The following POC5 variants were observed in gnomAD, a reference collection of about 807,000 sequenced individuals.
The protein encoded by POC5 is centrosomal protein POC5.
A neutral mutation model predicts 62.9 loss-of-function variants in POC5; 48 were observed. The observed-to-expected ratio is 0.76, with a 90% CI of 0.61 to 0.97. The LOEUF is 0.97. Among genes scored for constraint, POC5 ranks in the 50% least tolerant of loss-of-function variants. The pLI is 0.00. For missense variants in POC5, 696 were observed against 679.5 expected (o/e 1.02, Z -0.27); for synonymous variants, 236 against 228.2 (o/e 1.03, Z -0.31).
intron 2 of POC5, among the ~76,000 whole-genome samples, chr5:75,710,358 T>A (rs1046092997): frequency 6.6e-6 from 1 of 152,190 alleles, no homozygotes; most frequent in Non-Finnish European, 1.5e-5. Context: ...AATGTTTGTG[T>A]CCCCTCAAAA....
chr5:75,705,589 T>C, intron 4 of POC5, 115 bp downstream of exon 4: 1 of 627,606 alleles, frequency 1.6e-6, no homozygotes, highest in Non-Finnish European at 2.6e-6. Context: ...TAATAGCATT[T>C]TAAAATCCTG....
chr5:75,693,181 T>C (rs1254688535), intron 6 of POC5, among the ~76,000 whole-genome samples: 1 of 143,242 alleles, frequency 7.0e-6, no homozygotes, highest in Non-Finnish European at 1.6e-5. Flanking sequence ...ACATTATATA[T>C]AACTAATGTT....
intron 10 of POC5, among the ~76,000 whole-genome samples, chr5:75,681,374 T>C (rs190383334): frequency 1.6e-3 from 249 of 152,244 alleles, no homozygotes; most frequent in Non-Finnish European, 3.0e-3. Flanking sequence ...CTTTACCAAA[T>C]AGCTTTAAAA....
In POC5 at chr5:75,689,063, A is replaced by G; in HGVS notation, c.1078T>C (p.Cys360Arg). Residue 360 changes from cysteine (C) to arginine (R), a missense_variant, in exon 9 of 12, where the codon TGT (cysteine) becomes CGT (arginine). Coordinates refer to ENST00000428202, the MANE Select transcript of POC5 (RefSeq NM_001099271.2). ...GTCATGGCTTCAAGATTTAATGCAC[A>G]TACACCCCTCATGAAAGCTTTTTTC... Reference protein sequence around the residue: ...SMKKAFMRGVCALNLEAMTIF... With the variant: ...SMKKAFMRGVRALNLEAMTIF... The G allele has an allele frequency of 1.2e-6, 2 of 1,606,896 alleles. No homozygotes were observed. Among genetic ancestry groups the G allele is most frequent in the Non-Finnish European group, 1.7e-6 (2 of 1,176,652 alleles).
chr5:75,684,710 C>T (rs1168672831), intron 10 of POC5, among the ~76,000 whole-genome samples: 1 of 152,042 alleles, frequency 6.6e-6, no homozygotes, highest in African/African-American at 2.4e-5. Flanking sequence ...TCTTAATTAT[C>T]ACTACTATGA....
chr5:75,697,516 G>A (rs1776658420), intron 5 of POC5, among the ~76,000 whole-genome samples: 1 of 152,042 alleles, frequency 6.6e-6, no homozygotes, highest in South Asian at 2.1e-4. Context: ...GAGAGATTTT[G>A]TCACCACCAG....
intron 10 of POC5, among the ~76,000 whole-genome samples, chr5:75,683,846 A>G (rs1775966731): frequency 6.6e-6 from 1 of 151,976 alleles, no homozygotes; most frequent in South Asian, 2.1e-4. Context: ...TGGGAGTACA[A>G]GTGCACAGCA....
At chr5:75,703,367 C>A (rs1431810699) in intron 4 of POC5, among the ~76,000 whole-genome samples, 2 of 152,092 alleles carry the variant, frequency 1.3e-5, no homozygotes, top group Non-Finnish European at 2.9e-5. Flanking sequence ...GTGGCTCATG[C>A]CTGTAATCCT....
At chr5:75,689,852 A>G (rs760295353) in intron 8 of POC5, among the ~76,000 whole-genome samples, 7 of 152,108 alleles carry the variant, frequency 4.6e-5, no homozygotes, top group Non-Finnish European at 8.8e-5. Flanking sequence ...TGTTAATTTT[A>G]TTATTAAAAG....
chr5:75,685,375 T>C lies in POC5; in HGVS notation c.1239A>G (p.Thr413=). 2.5e-6 allele frequency: 4 copies of C among 1,614,002 alleles called. No homozygotes were observed. Among genetic ancestry groups the C allele is most frequent in the Non-Finnish European group, 3.4e-6 (4 of 1,179,888 alleles). Residue 413 remains threonine (T), a synonymous_variant, in exon 10 of 12, where the codon ACA becomes ACG. Coordinates refer to ENST00000428202, the MANE Select transcript of POC5 (RefSeq NM_001099271.2). ...PSAPPMPLPV[T]SPLLPSPPAA... is the part of the protein sequence containing the mutation. ...CTGGTGGGGATGGCAGCAGTGGTGA[T>C]GTAACTGGTAAGGGCATCGGAGGAG... is the stretch of plus-strand genomic sequence containing the variant.
chr5:75,692,485 A>T lies in POC5; in HGVS notation c.706T>A (p.Ser236Thr). ...GRKDEVISSL[S>T]HAIGKQKEKI... The stretch of plus-strand genomic sequence containing the variant: ...TCCTTTTGCTTGCCTATGGCATGAG[A>T]CAAGCTAGAAATCACCTGTAAACAG... The change falls in exon 7 of 12, where the codon TCT becomes ACT. Residue 236 changes from serine to threonine, a missense_variant. Coordinates refer to ENST00000428202, the MANE Select transcript of POC5 (RefSeq NM_001099271.2). 1 of 1,599,386 alleles carries T rather than the reference A, an allele frequency of 6.3e-7. No homozygotes were observed. Among genetic ancestry groups the T allele is most frequent in the Non-Finnish European group, 8.5e-7 (1 of 1,172,960 alleles).
intron 10 of POC5, 97 bp downstream of exon 10, chr5:75,685,110 A>C (rs1776045196): frequency 1.5e-6 from 2 of 1,294,686 alleles, no homozygotes; most frequent in Non-Finnish European, 2.1e-6. Flanking sequence ...CTCGTGATCC[A>C]CCTGCCTCGG....
At chr5:75,685,780 G>A (rs1776077345) in intron 9 of POC5, among the ~76,000 whole-genome samples, 1 of 152,134 alleles carries the variant, frequency 6.6e-6, no homozygotes, top group Admixed American at 6.5e-5. Flanking sequence ...TAGCTAAGTA[G>A]AGTATATTGC....
At chr5:75,702,970 C>A in intron 4 of POC5, 160 bp from the exon 5 acceptor site, 1 of 623,790 alleles carries the variant, frequency 1.6e-6, no homozygotes, top group South Asian at 2.0e-5. Context: ...TTTTTAATTT[C>A]AGTATTGTCA....
intron 6 of POC5, 130 bp from the exon 7 acceptor site, chr5:75,692,630 CATT>C (rs2112126526): frequency 4.4e-6 from 2 of 450,056 alleles, no homozygotes; most frequent in East Asian, 3.6e-5. Context: ...CAGTTAACCT[CATT>C]ATTATCTTTA....
intron 2 of POC5, among the ~76,000 whole-genome samples, chr5:75,710,589 A>G (rs927704964): frequency 2.0e-5 from 3 of 152,246 alleles, no homozygotes; most frequent in Non-Finnish European, 4.4e-5. Context: ...CCTGTCTGCA[A>G]TCCACAAAGA....
At chr5:75,703,320 G>T (rs1209613188) in intron 4 of POC5, among the ~76,000 whole-genome samples, 1 of 152,126 alleles carries the variant, frequency 6.6e-6, no homozygotes, top group Non-Finnish European at 1.5e-5. Flanking sequence ...TTAACACTGG[G>T]ATTGGTTTTA....
rs1428754146 is a variant in POC5 at position 75,705,737 on chromosome 5, C to G, written c.274G>C (p.Asp92His). The G allele has an allele frequency of 6.4e-7, 1 of 1,553,830 alleles. No individual in the cohort carries two copies. The highest frequency in any genetic ancestry group is 2.0e-5 in the Admixed American group (1 of 50,630). Residue 92 changes from aspartate to histidine, a missense_variant, in exon 4 of 12, where the codon GAT (aspartate) becomes CAT (histidine). Physicochemically the swap from Asp to His is moderately conservative, Grantham distance 81 (BLOSUM62 -1). Coordinates refer to ENST00000428202, the MANE Select transcript of POC5 (RefSeq NM_001099271.2). ...TTTGAATGACTTGAAATATGGAAAT[C>G]ACATCCTTTTCCAACTTCTATTGCA... Reference protein sequence around the residue: ...ETAIEVGKGCDFHISSHSKTD... With the variant: ...ETAIEVGKGCHFHISSHSKTD...
At chr5:75,707,175 G>A (rs555680012) in intron 3 of POC5, among the ~76,000 whole-genome samples, 54 of 152,294 alleles carry the variant, frequency 3.5e-4, no homozygotes, top group African/African-American at 1.0e-3. Context: ...GAGGTAAAAG[G>A]AGCTTTATCC....
Sources: allele counts gnomAD v4.1 joint callset (sites outside exome capture counted in the v4.1 genomes callset), GRCh38; gene constraint gnomAD v4.1.1; transcripts MANE v1.5; gene names NCBI Gene and HGNC (gene_info 2026-07-23, HGNC 2026-07-21).